ZBTB4: variants seen among roughly 807,000 people sequenced by gnomAD.
ZBTB4 encodes the protein zinc finger and BTB domain containing 4.
In ZBTB4, 14 loss-of-function variants were observed where a neutral mutation model predicts 59.8. The observed-to-expected ratio is 0.23, with a 90% CI of 0.15 to 0.37. The LOEUF (loss-of-function observed/expected upper bound fraction) is 0.37. ZBTB4 is among the 10% of genes least tolerant of loss of function. The pLI is 1.00. For synonymous variants in ZBTB4, 587 were observed against 575.2 expected (o/e 1.02, Z -0.29); for missense variants, 1,198 against 1,380.8 (o/e 0.87, Z 2.10).
At position 7,460,491 on chromosome 17, in the gene ZBTB4, C is replaced by T. The variant is rs1223828673; in HGVS notation, c.*1449G>A. 2 of 152,310 alleles carry T rather than the reference C, an allele frequency of 1.3e-5. No individual in the cohort carries two copies. The highest frequency in any genetic ancestry group is 2.9e-5 in the Non-Finnish European group (2 of 68,036). The allele number at this position is 152,310 out of a possible 1,614,324, so 9.4% of individuals were successfully genotyped here. A position where few individuals can be genotyped will look rare whatever the true frequency, so the allele number is the denominator to read the frequency against. On this transcript the variant is annotated 3_prime_UTR_variant, in exon 4 of 4. Transcript: ENST00000380599. ...ACAGCAACTTTTCCTTTTAAAACTGCACTCCTCTAATTCCCATTTGTCAAA... is the reference window on the plus strand; with the variant it reads ...ACAGCAACTTTTCCTTTTAAAACTGTACTCCTCTAATTCCCATTTGTCAAA...
chr17:7,468,268 G>A (rs1442024604), intron 1 of ZBTB4, among the ~76,000 whole-genome samples: 1 of 152,162 alleles, frequency 6.6e-6, no homozygotes, highest in Admixed American at 6.5e-5. Context: ...AGCTACTTGG[G>A]AGGCTGAGGC....
intron 1 of ZBTB4, among the ~76,000 whole-genome samples, chr17:7,473,611 A>G (rs561506833): frequency 1.0e-3 from 159 of 151,956 alleles, no homozygotes; most frequent in African/African-American, 3.8e-3. Context: ...CAATGGTGAG[A>G]TTGAGGCTCA....
rs67462449 is a variant in ZBTB4, at chr17:7,474,220, C to CTTTTTTTT, written c.-81+5228_-81+5235dup. Among the ~76,000 whole-genome samples, 136 of 116,110 alleles carry CTTTTTTTT rather than the reference C, an allele frequency of 1.2e-3. 24 individuals are homozygous for CTTTTTTTT. Among genetic ancestry groups the CTTTTTTTT allele is most frequent in the East Asian group, 2.8e-3 (12 of 4,214 alleles). 76.2% of individuals were successfully genotyped at this position (116,110 alleles called of 152,430 possible). ...ACAGGCATGAGCCACCATGGCCAGA[C>CTTTTTTTT]TTTTTTTTTTTTTGACATGAGGTCT... is the stretch of plus-strand genomic sequence containing the variant. On this transcript the variant is annotated intron_variant, in intron 1 of 3. Transcript: ENST00000380599.
intron 1 of ZBTB4, among the ~76,000 whole-genome samples, chr17:7,476,685 T>C (rs4796422): frequency 0.2 from 29,750 of 152,114 alleles, 3,078 homozygotes; most frequent in South Asian, 0.28. Flanking sequence ...AGAACGATCA[T>C]TCCTTCCTCT....
intron 1 of ZBTB4, among the ~76,000 whole-genome samples, chr17:7,479,106 A>G (rs1400151633): frequency 8.0e-6 from 1 of 124,952 alleles, no homozygotes; most frequent in African/African-American, 3.0e-5. Flanking sequence ...CACCCGCCCC[A>G]CCCCACCCCC....
upstream of ZBTB4, chr17:7,482,346 C>T (rs199706416): frequency 3.0e-4 from 490 of 1,614,008 alleles, no homozygotes; most frequent in East Asian, 4.1e-3. Flanking sequence ...GCCTACAGTG[C>T]GGTTCAGGTG....
In ZBTB4 at chr17:7,468,982, G is replaced by C. The variant is rs111628788; in HGVS notation, c.-80-1655C>G. Reference sequence around the variant, plus strand: ...CTGTCAGTTGGTGAATTTCAGGTAGGTCGTAGGTCAGGCATCCTGCGGAAG... The same window carrying C: ...CTGTCAGTTGGTGAATTTCAGGTAGCTCGTAGGTCAGGCATCCTGCGGAAG... On this transcript the variant is annotated intron_variant, in intron 1 of 3. Coordinates refer to ENST00000380599, the MANE Select transcript of ZBTB4 (RefSeq NM_001128833.2). 4.7e-3 allele frequency among the ~76,000 whole-genome samples: 711 copies of C among 152,220 alleles called. 8 individuals carry two copies. Among genetic ancestry groups the C allele is most frequent in the African/African-American group, 0.017 (691 of 41,534 alleles).
upstream of ZBTB4, chr17:7,482,889 A>C: frequency 6.2e-7 from 1 of 1,611,986 alleles, no homozygotes; most frequent in Non-Finnish European, 8.5e-7. Flanking sequence ...TATATGCTCC[A>C]TGAGACTGTG....
chr17:7,472,293 C>T (rs1010316046), intron 1 of ZBTB4, among the ~76,000 whole-genome samples: 1 of 151,824 alleles, frequency 6.6e-6, no homozygotes, highest in African/African-American at 2.4e-5. Flanking sequence ...TGGGTTCAAG[C>T]GATTCTCCTG....
intron 1 of ZBTB4, among the ~76,000 whole-genome samples, chr17:7,468,773 A>G (rs1305887458): frequency 1.3e-5 from 2 of 152,148 alleles, no homozygotes; most frequent in African/African-American, 2.4e-5. Context: ...TTTCCCATTT[A>G]TCACTCATAC....
chr17:7,471,722 G>A (rs751166307), intron 1 of ZBTB4, among the ~76,000 whole-genome samples: 15 of 152,138 alleles, frequency 9.9e-5, no homozygotes, highest in Admixed American at 8.5e-4. Flanking sequence ...TTGTCCATAC[G>A]GTGGGGACAA....
rs762662408 is a variant in ZBTB4, at chr17:7,461,285, C to G, written c.*655G>C. 5.9e-5 allele frequency: 9 copies of G among 152,674 alleles called. No homozygotes were observed. The highest frequency in any genetic ancestry group is 1.9e-4 in the African/African-American group (8 of 41,446). 9.5% of individuals were successfully genotyped at this position (152,674 alleles called of 1,614,324 possible). On this transcript the variant is annotated 3_prime_UTR_variant, in exon 4 of 4. Coordinates refer to ENST00000380599, the MANE Select transcript of ZBTB4 (RefSeq NM_001128833.2). ...CCTCCCCCAAACCTCCTTGACCTGGCTTGGGAGAGGCCATCTCCGAAGTCC... is the reference window on the plus strand; with the variant it reads ...CCTCCCCCAAACCTCCTTGACCTGGGTTGGGAGAGGCCATCTCCGAAGTCC...
intron 3 of ZBTB4, among the ~76,000 whole-genome samples, chr17:7,465,167 AT>A (rs200654196): frequency 0.023 from 3,237 of 140,750 alleles, 231 homozygotes; most frequent in Non-Finnish European, 0.037. Context: ...AAAAAAAAAA[AT>A]AAAAAAAATG....
At chr17:7,476,721 T>C (rs1597780463) in intron 1 of ZBTB4, among the ~76,000 whole-genome samples, 1 of 152,208 alleles carries the variant, frequency 6.6e-6, no homozygotes, top group South Asian at 2.1e-4. Flanking sequence ...TGTGCTCCTA[T>C]GGCCAGCATC....
chr17:7,478,793 G>C (rs563915773), intron 1 of ZBTB4, among the ~76,000 whole-genome samples: 23 of 152,258 alleles, frequency 1.5e-4, no homozygotes, highest in African/African-American at 5.1e-4. Flanking sequence ...CACAACACTG[G>C]ACACCCTTCC....
At chr17:7,479,061 C>G (rs1278061982) in intron 1 of ZBTB4, among the ~76,000 whole-genome samples, 3 of 152,158 alleles carry the variant, frequency 2.0e-5, no homozygotes, top group Non-Finnish European at 2.9e-5. Context: ...TACGCCATCA[C>G]CCTCCCAGCA....
intron 1 of ZBTB4, among the ~76,000 whole-genome samples, chr17:7,478,843 G>T (rs528134419): frequency 6.6e-6 from 1 of 152,260 alleles, no homozygotes; most frequent in South Asian, 2.1e-4. Context: ...GCCCTACCCA[G>T]ACCCCTGGCT....
intron 3 of ZBTB4, among the ~76,000 whole-genome samples, 197 bp downstream of exon 3, chr17:7,465,511 TCTA>T (rs2070107167): frequency 6.6e-6 from 1 of 151,196 alleles, no homozygotes; most frequent in Non-Finnish European, 1.5e-5. Context: ...AGATGGGGTC[TCTA>T]TGTTGTCCAG....
intron 3 of ZBTB4, among the ~76,000 whole-genome samples, chr17:7,465,210 G>C (rs1443227033): frequency 6.7e-6 from 1 of 149,098 alleles, no homozygotes; most frequent in African/African-American, 2.5e-5. Context: ...TGTAATCCCA[G>C]CACTTTGGGA....
Sources: allele counts gnomAD v4.1 joint callset (sites outside exome capture counted in the v4.1 genomes callset), GRCh38; gene constraint gnomAD v4.1.1; transcripts MANE v1.5; gene names NCBI Gene and HGNC (gene_info 2026-07-23, HGNC 2026-07-21).